USP24: variants seen among roughly 807,000 people sequenced by gnomAD.
USP24 encodes the protein ubiquitin carboxyl-terminal hydrolase 24.
USP24 carries 97 observed loss-of-function variants against 361.6 expected under a neutral mutation model. The ratio of observed to expected loss-of-function variants is 0.27; its 90% confidence interval spans 0.23 to 0.32. The LOEUF is 0.32. Ranked by LOEUF, USP24 falls within the 10% of genes least tolerant of loss-of-function variation. The probability of loss-of-function intolerance (pLI) is 1.00; values close to 1 mark genes in which losing one functional copy is unlikely to be tolerated. For missense variants in USP24, 2,353 were observed against 3,165.6 expected (o/e 0.74, Z 6.16); for synonymous variants, 1,098 against 1,124.6 (o/e 0.98, Z 0.47).
At position 55,107,436 on chromosome 1, in the gene USP24, A is replaced by G; in HGVS notation, c.4571-6T>C. The stretch of plus-strand genomic sequence containing the variant: ...TAACTGCTCCATTTCTGAAGCTAAG[A>G]AGGAAAAAAAAAATCCATTACAAAG... On this transcript the variant is annotated splice_region_variant and splice_polypyrimidine_tract_variant and intron_variant, in intron 39 of 67. Coordinates refer to ENST00000294383, the MANE Select transcript of USP24 (RefSeq NM_015306.3). The G allele has an allele frequency of 6.4e-7, 1 of 1,568,338 alleles. No homozygotes were observed. The highest frequency in any genetic ancestry group is 2.3e-5 in the East Asian group (1 of 43,858).
At chr1:55,135,666 G>A (rs12031153) in intron 28 of USP24, among the ~76,000 whole-genome samples, 9,966 of 152,026 alleles carry the variant, frequency 0.066, 679 homozygotes, top group East Asian at 0.36. Flanking sequence ...CTCTAGTAAG[G>A]TTTATGCTCT....
intron 46 of USP24, 30 bp from the exon 47 acceptor site, chr1:55,098,114 T>A: frequency 6.4e-7 from 1 of 1,558,120 alleles, no homozygotes; most frequent in Non-Finnish European, 8.6e-7. Context: ...AAACCCACAA[T>A]CAACAATGGA....
intron 23 of USP24, among the ~76,000 whole-genome samples, chr1:55,142,468 A>T (rs1286964339): frequency 6.6e-6 from 1 of 152,194 alleles, no homozygotes; most frequent in Non-Finnish European, 1.5e-5. Context: ...TGTATAGGTG[A>T]CCTATTTTCT....
chr1:55,190,182 A>AAAAAG (rs1553170065), intron 1 of USP24, among the ~76,000 whole-genome samples: 76 of 151,020 alleles, frequency 5.0e-4, no homozygotes, highest in African/African-American at 1.7e-3. Flanking sequence ...AAAAAAAAAA[A>AAAAAG]AAAGAAAGAA....
chr1:55,166,391 A>T (rs1253750647), intron 6 of USP24, among the ~76,000 whole-genome samples, 177 bp downstream of exon 6: 2 of 152,096 alleles, frequency 1.3e-5, no homozygotes, highest in Non-Finnish European at 2.9e-5. Context: ...CCAAAAGCTG[A>T]TGTTTACCTG....
Position 55,181,886 on chromosome 1 carries a change from T to C in USP24, c.325-3754A>G, listed in dbSNP as rs148742777. Among the ~76,000 whole-genome samples the C allele has an allele frequency of 9.0e-3, 1,369 of 152,198 alleles. 10 individuals carry two copies. Among genetic ancestry groups the C allele is most frequent in the Non-Finnish European group, 0.013 (890 of 67,994 alleles). ...AGATAAACAAGGTTAAATGAGGTCA[T>C]AAGGGTAGGGCCCTAATCCAATAAA... On this transcript the variant is annotated intron_variant, in intron 1 of 67. Coordinates refer to ENST00000294383, the MANE Select transcript of USP24 (RefSeq NM_015306.3).
chr1:55,137,158 T>A (rs1366390870), intron 28 of USP24, among the ~76,000 whole-genome samples: 1 of 152,130 alleles, frequency 6.6e-6, no homozygotes, highest in Non-Finnish European at 1.5e-5. Context: ...GGGGAAGCGA[T>A]CACACGTATC....
chr1:55,137,932 A>G, intron 26 of USP24, 28 bp from the exon 27 acceptor site: 1 of 1,545,706 alleles, frequency 6.5e-7, no homozygotes, highest in Non-Finnish European at 8.8e-7. Context: ...ACACGTTGTG[A>G]GAGAATTCAT....
At chr1:55,086,622 T>C (rs935637609) in intron 55 of USP24, among the ~76,000 whole-genome samples, 3 of 152,254 alleles carry the variant, frequency 2.0e-5, no homozygotes, top group Non-Finnish European at 2.9e-5. Flanking sequence ...TAAGGTGATA[T>C]GAAGGAATTA....
At chr1:55,195,016 CAA>C (rs57236533) in intron 1 of USP24, among the ~76,000 whole-genome samples, 127,645 of 143,772 alleles carry the variant, frequency 0.89, 56,123 homozygotes, top group Middle Eastern at 0.98. Flanking sequence ...TTCCTTAAAA[CAA>C]AACAAAACAA....
intron 1 of USP24, among the ~76,000 whole-genome samples, chr1:55,214,490 G>T (rs1383465938): frequency 2.6e-5 from 4 of 151,714 alleles, no homozygotes; most frequent in African/African-American, 9.7e-5. Context: ...CCTCCCCATC[G>T]TCGGCGTGCA....
intron 55 of USP24, among the ~76,000 whole-genome samples, chr1:55,087,175 A>C (rs1645269705): frequency 1.3e-5 from 2 of 152,340 alleles, no homozygotes; most frequent in Admixed American, 6.5e-5. Flanking sequence ...AAAATTATAA[A>C]GAAATAAGTA....
chr1:55,188,565 T>C (rs1205123013), intron 1 of USP24, among the ~76,000 whole-genome samples: 2 of 151,334 alleles, frequency 1.3e-5, no homozygotes, highest in Non-Finnish European at 2.9e-5. Context: ...CCAAAAAAGA[T>C]ACAAGCGGTT....
At chr1:55,209,896 G>A (rs866256976) in intron 1 of USP24, among the ~76,000 whole-genome samples, 2 of 152,030 alleles carry the variant, frequency 1.3e-5, no homozygotes, top group Non-Finnish European at 2.9e-5. Flanking sequence ...CTCAGATCAA[G>A]TAAATGGTAT....
chr1:55,136,705 C>A (rs1188593098), intron 28 of USP24, among the ~76,000 whole-genome samples: 1 of 152,104 alleles, frequency 6.6e-6, no homozygotes, highest in African/African-American at 2.4e-5. Flanking sequence ...CCTGAGCCAA[C>A]TAGAAGACTG....
chr1:55,084,096 TAAAAG>T (rs975752762), intron 56 of USP24, among the ~76,000 whole-genome samples: 9 of 152,150 alleles, frequency 5.9e-5, no homozygotes, highest in Non-Finnish European at 4.4e-5. Context: ...TAGCAATAAT[TAAAAG>T]AAAAGCTTAG....
In USP24 at chr1:55,157,263, T is replaced by G. The variant is rs768938743; in HGVS notation, c.1335A>C (p.Ala445=). ...WLVENSVLSI[A]LEGNIDQAQY... ...TTTTTGAAAGCAACTTACCTTCCAG[T>G]GCAATCGACAGAACTGAGTTTTCAA... The change falls in exon 11 of 68, where the codon GCA becomes GCC. Residue 445 remains alanine (A), a synonymous_variant. Coordinates refer to ENST00000294383, the MANE Select transcript of USP24 (RefSeq NM_015306.3). 65 of 1,594,352 alleles carry G rather than the reference T, an allele frequency of 4.1e-5. No homozygotes were observed. Among genetic ancestry groups the G allele is most frequent in the Non-Finnish European group, 8.5e-7 (1 of 1,173,242 alleles).
chr1:55,214,467 A>G (rs1256294555), intron 1 of USP24, among the ~76,000 whole-genome samples: 1 of 151,826 alleles, frequency 6.6e-6, no homozygotes, highest in African/African-American at 2.4e-5. Context: ...CTCGGATGAT[A>G]GCCCTGGAGC....
chr1:55,143,073 AT>A lies in USP24; in HGVS notation c.2485del (p.Ile829Ter). On this transcript the variant is annotated frameshift_variant, in exon 22 of 68. Transcript: ENST00000294383. LOFTEE classifies it high-confidence loss of function. ...ELIGMDFIWK[I>X]AMESPDEEIA... ...TTCTTCATCAGGTGATTCCATGGCT[AT>A]TTTCCAAATGAAATCCATTCCTATC... The A allele has an allele frequency of 6.5e-7, 1 of 1,531,198 alleles. No individual in the cohort carries two copies. The highest frequency in any genetic ancestry group is 2.2e-5 in the Admixed American group (1 of 45,382). 94.9% of individuals were successfully genotyped at this position (1,531,198 alleles called of 1,614,324 possible).
Sources: gnomAD v4.1 joint callset for allele counts (sites outside exome capture counted in the v4.1 genomes callset) on GRCh38, gnomAD v4.1.1 for gene constraint, MANE v1.5 for transcripts, NCBI Gene and HGNC (gene_info 2026-07-23, HGNC 2026-07-21) for gene names.